The following MYO16 variants were observed in gnomAD, a reference collection of about 807,000 sequenced individuals.
MYO16 encodes the protein unconventional myosin-XVI.
Under a neutral mutation model 205.3 loss-of-function variants are expected in MYO16, and 94 were observed. The ratio of observed to expected loss-of-function variants is 0.46; its 90% CI spans 0.39 to 0.54. MYO16 has a LOEUF of 0.54. Ranked by LOEUF, MYO16 falls within the 20% of genes least tolerant of loss-of-function variation. The probability of loss-of-function intolerance (pLI) is 0.00; values close to 1 mark genes in which losing one functional copy is unlikely to be tolerated. For missense variants in MYO16, 2,315 were observed against 2,387.5 expected (o/e 0.97, Z 0.63); for synonymous variants, 988 against 954.0 (o/e 1.04, Z -0.66).
intron 1 of MYO16, among the ~76,000 whole-genome samples, chr13:108,599,467 T>C (rs1878683847): frequency 6.6e-6 from 1 of 152,148 alleles, no homozygotes; most frequent in Admixed American, 6.5e-5. Context: ...TGTGGTATTC[T>C]TTTTCATAAA....
At chr13:108,707,038 C>T (rs1883536221) in intron 2 of MYO16, among the ~76,000 whole-genome samples, 1 of 152,122 alleles carries the variant, frequency 6.6e-6, no homozygotes, top group Non-Finnish European at 1.5e-5. Context: ...TGGCTGGTAA[C>T]AGTCTTGAGC....
At chr13:108,500,176 G>A in the MYO16 span, among the ~76,000 whole-genome samples, 5 of 144,802 alleles carry the variant, frequency 3.5e-5, no homozygotes, top group Non-Finnish European at 7.5e-5. Context: ...GTTCTCTCTA[G>A]GCTGGCCTCT....
At chr13:108,577,954 GC>G in the MYO16 span, among the ~76,000 whole-genome samples, 2 of 152,086 alleles carry the variant, frequency 1.3e-5, no homozygotes, top group East Asian at 1.9e-4. Flanking sequence ...AGACAAAATA[GC>G]CCCATCAGGG....
the MYO16 span, among the ~76,000 whole-genome samples, chr13:108,590,051 A>T: frequency 6.6e-6 from 1 of 152,180 alleles, no homozygotes; most frequent in African/African-American, 2.4e-5. Context: ...AATCCATATT[A>T]TACTGCTTTT....
chr13:108,772,783 C>T (rs780206384), intron 4 of MYO16, among the ~76,000 whole-genome samples: 17 of 151,830 alleles, frequency 1.1e-4, no homozygotes, highest in African/African-American at 2.7e-4. Context: ...GCCTGTAACC[C>T]GCTTTCAAGC....
intron 23 of MYO16, among the ~76,000 whole-genome samples, chr13:109,046,656 C>T (rs1469403780): frequency 2.0e-5 from 3 of 152,108 alleles, no homozygotes; most frequent in South Asian, 4.1e-4. Flanking sequence ...GAATGTGAAC[C>T]GTCACTATTT....
intron 21 of MYO16, among the ~76,000 whole-genome samples, chr13:109,007,034 C>T (rs1239411674): frequency 6.6e-6 from 1 of 152,098 alleles, no homozygotes; most frequent in Non-Finnish European, 1.5e-5. Flanking sequence ...AGTCAAATAA[C>T]GCCGGGGTGG....
At chr13:109,137,719 T>G (rs1481963443) in intron 31 of MYO16, among the ~76,000 whole-genome samples, 1 of 152,212 alleles carries the variant, frequency 6.6e-6, no homozygotes, top group African/African-American at 2.4e-5. Context: ...TACAGTGTGT[T>G]GAGAACTGAG....
chr13:109,142,802 G>C (rs1302008705), intron 32 of MYO16, among the ~76,000 whole-genome samples: 2 of 152,072 alleles, frequency 1.3e-5, no homozygotes, highest in Admixed American at 1.3e-4. Context: ...GGGGTATTTG[G>C]ACCCGAGAAG....
At chr13:108,734,207 A>G (rs998494538) in intron 4 of MYO16, among the ~76,000 whole-genome samples, 1 of 145,462 alleles carries the variant, frequency 6.9e-6, no homozygotes, top group Middle Eastern at 3.3e-3. Flanking sequence ...TTTTTTTTTT[A>G]GCACTTATAC....
chr13:108,522,599 A>C, the MYO16 span, among the ~76,000 whole-genome samples: 1 of 152,182 alleles, frequency 6.6e-6, no homozygotes, highest in African/African-American at 2.4e-5. Flanking sequence ...CTAGAAGTCC[A>C]AGATCAAGAT....
chr13:108,880,547 T>C (rs969640211), intron 12 of MYO16, among the ~76,000 whole-genome samples: 3 of 152,210 alleles, frequency 2.0e-5, no homozygotes, highest in Non-Finnish European at 4.4e-5. Context: ...GTATAAGGTG[T>C]AAGGAAGGGA....
chr13:108,644,141 G>A (rs763015570), intron 1 of MYO16, among the ~76,000 whole-genome samples: 7 of 152,040 alleles, frequency 4.6e-5, no homozygotes, highest in Non-Finnish European at 8.8e-5. Flanking sequence ...GCTCTGAGAC[G>A]GGGAGAAATT....
chr13:109,194,482 G>A (rs1421427870), intron 34 of MYO16, among the ~76,000 whole-genome samples: 1 of 152,104 alleles, frequency 6.6e-6, no homozygotes, highest in Non-Finnish European at 1.5e-5. Context: ...GAGTACTAAC[G>A]TGAAAATGTT....
At chr13:108,924,895 G>A (rs1016132199) in intron 16 of MYO16, among the ~76,000 whole-genome samples, 2 of 152,150 alleles carry the variant, frequency 1.3e-5, no homozygotes, top group Non-Finnish European at 2.9e-5. Context: ...AATGATTTCT[G>A]AATTTTGTTG....
intron 13 of MYO16, among the ~76,000 whole-genome samples, chr13:108,883,406 C>T (rs1227870350): frequency 6.6e-6 from 1 of 152,122 alleles, no homozygotes; most frequent in African/African-American, 2.4e-5. Flanking sequence ...TAAACTTAAC[C>T]TGAAACTCAT....
At chr13:108,876,812 G>A (rs149362546) in intron 12 of MYO16, among the ~76,000 whole-genome samples, 36 of 152,088 alleles carry the variant, frequency 2.4e-4, no homozygotes, top group Middle Eastern at 6.8e-3. Context: ...TAGTACAGGC[G>A]TGTGCCACCA....
intron 4 of MYO16, among the ~76,000 whole-genome samples, chr13:108,738,566 C>T (rs1357706142): frequency 6.6e-6 from 1 of 152,118 alleles, no homozygotes; most frequent in Non-Finnish European, 1.5e-5. Context: ...ACTATGTGGT[C>T]AATTTTGGAA....
intron 14 of MYO16, among the ~76,000 whole-genome samples, chr13:108,896,861 A>G (rs1435932728): frequency 2.6e-5 from 4 of 151,932 alleles, no homozygotes; most frequent in African/African-American, 9.7e-5. Flanking sequence ...AATCCCAGCT[A>G]CTCCAGAGGC....
Sources: allele counts gnomAD v4.1 joint callset (sites outside exome capture counted in the v4.1 genomes callset), GRCh38; gene constraint gnomAD v4.1.1; transcripts MANE v1.5; gene names NCBI Gene and HGNC (gene_info 2026-07-23, HGNC 2026-07-21).